Variants in ROBO2 observed in about 807,000 individuals in gnomAD.
ROBO2 encodes the protein roundabout homolog 2.
A neutral mutation model predicts 160.8 loss-of-function variants in ROBO2; 53 were observed. The ratio of observed to expected loss-of-function variants is 0.33; its 90% CI spans 0.26 to 0.41. The LOEUF (loss-of-function observed/expected upper bound fraction) is 0.41, where lower values mean the gene tolerates loss of function less well. ROBO2 is among the 10% of genes least tolerant of loss of function. ROBO2 has a pLI of 1.00. For missense variants in ROBO2, 1,577 were observed against 1,722.4 expected, an observed-to-expected ratio of 0.92 and a Z score of 1.49; for synonymous variants, 664 against 611.7, an observed-to-expected ratio of 1.09 and a Z score of -1.26.
At chr3:77,017,498 G>T (rs1208708366) in intron 2 of ROBO2, among the ~76,000 whole-genome samples, 1 of 152,176 alleles carries the variant, frequency 6.6e-6, no homozygotes, top group East Asian at 1.9e-4. Flanking sequence ...ATTAGTTCAT[G>T]AAAAGTGCAC....
intron 2 of ROBO2, among the ~76,000 whole-genome samples, chr3:77,162,740 T>C (rs1365210369): frequency 6.6e-6 from 1 of 152,222 alleles, no homozygotes; most frequent in East Asian, 1.9e-4. Flanking sequence ...GTTTAAAGCA[T>C]TGAGGCCTGC....
rs55778369 is a variant in ROBO2 at position 76,141,159 on chromosome 3, C to CTATATA, written c.109+203581_109+203586dup. On this transcript the variant is annotated intron_variant, in intron 2 of 26. Transcript: ENST00000487694. Reference sequence around the variant, plus strand: ...TCTCTCTCTCTCTCTCTCTCTCTCTCTATATATATATATATATATATATAT... The same window carrying CTATATA: ...TCTCTCTCTCTCTCTCTCTCTCTCTCTATATATATATATATATATATATATATATAT... 8.3e-3 allele frequency among the ~76,000 whole-genome samples: 76 copies of CTATATA among 9,158 alleles called. 2 individuals carry two copies. Among genetic ancestry groups the CTATATA allele is most frequent in the East Asian group, 0.03 (4 of 132 alleles). 6.0% of individuals were successfully genotyped at this position (9,158 alleles called of 152,430 possible).
intron 2 of ROBO2, among the ~76,000 whole-genome samples, chr3:77,224,479 C>T (rs1393271828): frequency 6.6e-6 from 1 of 151,876 alleles, no homozygotes; most frequent in Non-Finnish European, 1.5e-5. Context: ...TAATAAAGTA[C>T]AGAGAACAAC....
At chr3:77,473,476 T>C (rs1161628131) in intron 2 of ROBO2, among the ~76,000 whole-genome samples, 9 of 84,100 alleles carry the variant, frequency 1.1e-4, no homozygotes, top group Non-Finnish European at 2.0e-4. Flanking sequence ...TTTTTTTTTT[T>C]TGAGACAAAG....
At chr3:76,113,503 C>T (rs2070330879) in intron 2 of ROBO2, among the ~76,000 whole-genome samples, 1 of 151,952 alleles carries the variant, frequency 6.6e-6, no homozygotes, top group South Asian at 2.1e-4. Context: ...AGTAACAGCC[C>T]ATTACATATA....
At chr3:77,524,392 CAT>C (rs2153629493) in intron 6 of ROBO2, among the ~76,000 whole-genome samples, 1 of 151,310 alleles carries the variant, frequency 6.6e-6, no homozygotes, top group South Asian at 2.1e-4. Flanking sequence ...ATACATTTGT[CAT>C]ATGTTTGCTA....
chr3:77,553,541 T>C (rs1486953621), intron 8 of ROBO2, among the ~76,000 whole-genome samples: 3 of 151,952 alleles, frequency 2.0e-5, no homozygotes, highest in Non-Finnish European at 4.4e-5. Context: ...CCTCTTGTTC[T>C]AAACAGTTAG....
intron 2 of ROBO2, among the ~76,000 whole-genome samples, chr3:76,622,782 T>C (rs1434278599): frequency 6.6e-6 from 1 of 152,172 alleles, no homozygotes; most frequent in Admixed American, 6.5e-5. Flanking sequence ...CTTCTATGTA[T>C]ACTTTATTAC....
In ROBO2 at chr3:76,614,076, A is replaced by G. The variant is rs750488488; in HGVS notation, c.110-483938A>G. On this transcript the variant is annotated intron_variant, in intron 2 of 26. Coordinates refer to the ROBO2 transcript ENST00000487694. ...TACTATGGTGCAGGCAGATGATCAT[A>G]GATTGTCTTAAAGCCACCACAGCAA... Among the ~76,000 whole-genome samples, 40 of 152,126 alleles carry G rather than the reference A, an allele frequency of 2.6e-4. 1 individual carries two copies. Among genetic ancestry groups the G allele is most frequent in the Non-Finnish European group, 4.1e-4 (28 of 67,970 alleles).
At chr3:76,083,935 G>A (rs1337969631) in intron 2 of ROBO2, among the ~76,000 whole-genome samples, 1 of 152,054 alleles carries the variant, frequency 6.6e-6, no homozygotes, top group Admixed American at 6.6e-5. Flanking sequence ...CCATCCATTG[G>A]TAAGCTTATT....
chr3:77,350,741 A>C (rs2068238772), intron 2 of ROBO2, among the ~76,000 whole-genome samples: 3 of 152,168 alleles, frequency 2.0e-5, no homozygotes, highest in Non-Finnish European at 4.4e-5. Context: ...GATTTTTATC[A>C]AGAGGCAATG....
At chr3:77,277,137 C>CT (rs2059886039) in intron 2 of ROBO2, among the ~76,000 whole-genome samples, 10 of 124,894 alleles carry the variant, frequency 8.0e-5, no homozygotes, top group African/African-American at 2.9e-4. Context: ...TCCTTCCTTT[C>CT]TTCCTTCTTT....
At chr3:77,288,515 T>C (rs2060777330) in intron 2 of ROBO2, among the ~76,000 whole-genome samples, 1 of 152,210 alleles carries the variant, frequency 6.6e-6, no homozygotes, top group Admixed American at 6.5e-5. Flanking sequence ...TCATGATGGC[T>C]GTGCTTATGC....
intron 2 of ROBO2, among the ~76,000 whole-genome samples, chr3:77,376,741 C>A (rs139522386): frequency 2.6e-5 from 4 of 152,264 alleles, no homozygotes; most frequent in African/African-American, 9.6e-5. Flanking sequence ...CTCCATTAGA[C>A]CGCAAGTCCA....
At chr3:76,613,581 A>G (rs2088320144) in intron 2 of ROBO2, among the ~76,000 whole-genome samples, 1 of 151,452 alleles carries the variant, frequency 6.6e-6, no homozygotes, top group African/African-American at 2.4e-5. Context: ...CAATCTCCCT[A>G]AGTGCAGAGA....
intron 2 of ROBO2, chr3:76,434,511 A>G: frequency 6.4e-7 from 1 of 1,561,620 alleles, no homozygotes; most frequent in East Asian, 2.2e-5. Flanking sequence ...CTCAAAGAGT[A>G]CAAAGATGTG....
At chr3:77,439,180 T>C (rs1258061344) in intron 2 of ROBO2, among the ~76,000 whole-genome samples, 1 of 152,116 alleles carries the variant, frequency 6.6e-6, no homozygotes, top group Admixed American at 6.5e-5. Flanking sequence ...TATTTACTAT[T>C]ATCCATTGTC....
chr3:77,568,549 G>A (rs757858241), intron 13 of ROBO2, 115 bp downstream of exon 14: 19 of 1,234,932 alleles, frequency 1.5e-5, no homozygotes, highest in Non-Finnish European at 2.1e-5. Flanking sequence ...TAAAATCAAG[G>A]TGTAATCAAT....
chr3:77,606,553 G>T (rs910619517), intron 20 of ROBO2, among the ~76,000 whole-genome samples: 1 of 152,144 alleles, frequency 6.6e-6, no homozygotes, highest in African/African-American at 2.4e-5. Flanking sequence ...ATGTGTGAAG[G>T]TGTGCATGCT....
Sources: allele counts gnomAD v4.1 joint callset (sites outside exome capture counted in the v4.1 genomes callset), GRCh38; gene constraint gnomAD v4.1.1; transcripts MANE v1.5; gene names NCBI Gene and HGNC (gene_info 2026-07-23, HGNC 2026-07-21).